The following DGKB variants were observed in gnomAD, a reference collection of about 807,000 sequenced individuals.
DGKB encodes diacylglycerol kinase beta, also known as 90 kDa diacylglycerol kinase.
DGKB carries 67 observed loss-of-function variants against 114.3 expected under a neutral mutation model. That is an observed-to-expected ratio of 0.59 (90% CI 0.48 to 0.72). DGKB has a LOEUF of 0.72. Among genes scored for constraint, DGKB ranks in the 30% least tolerant of loss-of-function variants. The pLI is 0.00. For missense variants in DGKB, 907 were observed against 975.2 expected (o/e 0.93, Z 0.93); for synonymous variants, 398 against 323.1 (o/e 1.23, Z -2.49).
chr7:14,787,532 G>A (rs1040377213), intron 2 of DGKB, among the ~76,000 whole-genome samples: 1 of 152,222 alleles, frequency 6.6e-6, no homozygotes, highest in South Asian at 2.1e-4. Flanking sequence ...CACTGACAGA[G>A]GCCAAGAAGA....
chr7:14,645,613 G>T (rs542478578), intron 13 of DGKB, among the ~76,000 whole-genome samples: 1 of 151,830 alleles, frequency 6.6e-6, no homozygotes, highest in Admixed American at 6.6e-5. Flanking sequence ...TCACATACAA[G>T]GGAGTCCCCA....
intron 12 of DGKB, among the ~76,000 whole-genome samples, chr7:14,676,360 T>C (rs867361573): frequency 2.6e-5 from 4 of 152,084 alleles, no homozygotes; most frequent in African/African-American, 7.2e-5. Context: ...TACTATGTGA[T>C]AGCACAACAG....
intron 1 of DGKB, among the ~76,000 whole-genome samples, chr7:14,847,966 A>C (rs775309937): frequency 6.6e-6 from 1 of 152,224 alleles, no homozygotes; most frequent in Admixed American, 6.5e-5. Context: ...GAAAAATTAA[A>C]AAGAGCTACA....
chr7:14,163,163 A>G (rs941245873), intron 25 of DGKB, among the ~76,000 whole-genome samples: 4 of 152,196 alleles, frequency 2.6e-5, no homozygotes, highest in African/African-American at 9.7e-5. Context: ...AATATTTTAA[A>G]TTTTAATTAG....
chr7:14,331,277 C>T (rs1051756629), intron 23 of DGKB, among the ~76,000 whole-genome samples: 11 of 152,048 alleles, frequency 7.2e-5, no homozygotes, highest in African/African-American at 2.7e-4. Context: ...AAACGCCATA[C>T]TATTTTTCAA....
chr7:14,631,594 A>G (rs967048838), intron 13 of DGKB, among the ~76,000 whole-genome samples: 10 of 152,132 alleles, frequency 6.6e-5, no homozygotes, highest in African/African-American at 2.2e-4. Context: ...GTTGTTTTGA[A>G]GATGAATTGA....
At chr7:14,514,248 C>A (rs1418675562) in intron 20 of DGKB, among the ~76,000 whole-genome samples, 1 of 151,856 alleles carries the variant, frequency 6.6e-6, no homozygotes, top group Non-Finnish European at 1.5e-5. Flanking sequence ...TGATACATTT[C>A]CCCCCAAAAT....
intron 13 of DGKB, among the ~76,000 whole-genome samples, chr7:14,637,131 A>G (rs1810894684): frequency 6.6e-6 from 1 of 151,956 alleles, no homozygotes; most frequent in African/African-American, 2.4e-5. Flanking sequence ...GTTATATTCA[A>G]TAAAACTTTG....
chr7:14,228,965 TCA>T (rs1791281038), intron 23 of DGKB, among the ~76,000 whole-genome samples: 1 of 151,394 alleles, frequency 6.6e-6, no homozygotes, highest in Non-Finnish European at 1.5e-5. Context: ...TTAGAAGTAC[TCA>T]CAGTAAATTT....
intron 21 of DGKB, among the ~76,000 whole-genome samples, chr7:14,463,842 A>G (rs1833436781): frequency 6.6e-6 from 1 of 152,198 alleles, no homozygotes; most frequent in Admixed American, 6.5e-5. Flanking sequence ...CATTTAGTAG[A>G]GTATCTGGAA....
chr7:14,973,175 G>A (rs960653421), intron 1 of DGKB, among the ~76,000 whole-genome samples: 1 of 151,852 alleles, frequency 6.6e-6, no homozygotes, highest in African/African-American at 2.4e-5. Context: ...CTCCCGTCTT[G>A]AAGTTTCTAC....
upstream of DGKB, among the ~76,000 whole-genome samples, chr7:14,903,869 C>T (rs1277785432): frequency 6.6e-6 from 1 of 152,124 alleles, no homozygotes; most frequent in Non-Finnish European, 1.5e-5. Context: ...CCAGCTTATA[C>T]ACGGGGTATC....
chr7:14,489,089 T>C (rs1784250494), intron 20 of DGKB, among the ~76,000 whole-genome samples: 2 of 152,134 alleles, frequency 1.3e-5, no homozygotes, highest in African/African-American at 4.8e-5. Context: ...CAAAAATCTT[T>C]ACTAAGATGA....
intron 14 of DGKB, 94 bp downstream of exon 14, chr7:14,630,142 T>C (rs915200347): frequency 1.4e-6 from 1 of 704,684 alleles, no homozygotes; most frequent in Non-Finnish European, 2.2e-6. Context: ...GGTATTCGAA[T>C]GTCACTGAGC....
At chr7:14,285,049 A>T (rs2128462322) in intron 23 of DGKB, among the ~76,000 whole-genome samples, 1 of 152,126 alleles carries the variant, frequency 6.6e-6, no homozygotes, top group Admixed American at 6.6e-5. Flanking sequence ...AAAGAAATGT[A>T]TTGGAAAATT....
At chr7:14,388,637 T>C (rs1470503668) in intron 21 of DGKB, among the ~76,000 whole-genome samples, 1 of 152,050 alleles carries the variant, frequency 6.6e-6, no homozygotes, top group Non-Finnish European at 1.5e-5. Context: ...ATTGATATTA[T>C]ATCTTTTAAA....
In DGKB at chr7:14,845,850, C is replaced by T. The variant is rs149629593; in HGVS notation, c.-187-4400G>A. Among the ~76,000 whole-genome samples the T allele has an allele frequency of 3.0e-3, 449 of 150,626 alleles. 3 individuals are homozygous for T. The highest frequency in any genetic ancestry group is 4.7e-3 in the Non-Finnish European group (316 of 67,758). ...CATTAAAAAAAAAAAAAGAAGTGCA[C>T]TTTCAGGTACAAAGCTTTTACAGTT... On this transcript the variant is annotated intron_variant, in intron 1 of 25. Coordinates refer to ENST00000402815, the MANE Select transcript of DGKB (RefSeq NM_001350709.2).
At chr7:14,200,075 C>T (rs551110124) in intron 23 of DGKB, among the ~76,000 whole-genome samples, 3 of 152,158 alleles carry the variant, frequency 2.0e-5, no homozygotes, top group Non-Finnish European at 2.9e-5. Flanking sequence ...CAACATGCCA[C>T]TGCATAGAGG....
intron 23 of DGKB, among the ~76,000 whole-genome samples, chr7:14,218,181 T>C (rs1789311487): frequency 6.6e-6 from 1 of 152,074 alleles, no homozygotes; most frequent in African/African-American, 2.4e-5. Flanking sequence ...TCAGTTTCAA[T>C]ACGAGGTATT....
Sources: allele counts gnomAD v4.1 joint callset (sites outside exome capture counted in the v4.1 genomes callset), GRCh38; gene constraint gnomAD v4.1.1; transcripts MANE v1.5; gene names NCBI Gene and HGNC (gene_info 2026-07-23, HGNC 2026-07-21).